Variants in DLD observed in about 807,000 individuals in gnomAD.
The protein encoded by DLD is dihydrolipoamide dehydrogenase, also known as dihydrolipoyl dehydrogenase, mitochondrial.
Under a neutral mutation model 62.2 loss-of-function variants are expected in DLD, and 36 were observed. That is an observed-to-expected ratio of 0.58 (90% CI 0.44 to 0.76). The LOEUF (loss-of-function observed/expected upper bound fraction) is 0.76, where lower values mean the gene tolerates loss of function less well. Ranked by LOEUF, DLD falls within the 30% of genes least tolerant of loss-of-function variation. The pLI is 0.00. For missense variants in DLD, 541 were observed against 608.6 expected, an observed-to-expected ratio of 0.89 and a Z score of 1.17; for synonymous variants, 204 against 199.6, an observed-to-expected ratio of 1.02 and a Z score of -0.19.
Position 107,903,701 on chromosome 7 carries a change from A to C in DLD, c.337+154A>C, listed in dbSNP as rs149266807. ...AAAAAATGTGGAGAGATTTACTTAA[A>C]AAAGAAGGCCTAAATCCAGATTTCT... On this transcript the variant is annotated intron_variant, in intron 5 of 13. Transcript: ENST00000205402. The C allele has an allele frequency of 2.9e-3, 1,505 of 520,838 alleles. 20 individuals carry two copies. Among genetic ancestry groups the C allele is most frequent in the African/African-American group, 0.027 (1,419 of 51,750 alleles). The allele number at this position is 520,838 out of a possible 1,614,324, so 32.3% of individuals were successfully genotyped here.
intron 8 of DLD, among the ~76,000 whole-genome samples, chr7:107,912,912 C>A (rs1272435773): frequency 6.6e-6 from 1 of 152,032 alleles, no homozygotes; most frequent in East Asian, 1.9e-4. Context: ...TGTTTTCTTA[C>A]AGTAATTTCA....
chr7:107,905,275 T>A (rs2031976146), intron 6 of DLD, 86 bp from the exon 7 acceptor site: 2 of 1,379,334 alleles, frequency 1.4e-6, no homozygotes, highest in Non-Finnish European at 2.0e-6. Flanking sequence ...TTTAGATAAA[T>A]TATTTACAGA....
At chr7:107,905,686 C>T (rs1400606203) in intron 7 of DLD, 182 bp downstream of exon 7, 19 of 636,546 alleles carry the variant, frequency 3.0e-5, no homozygotes, top group Non-Finnish European at 2.7e-6. Context: ...CTATAGAACA[C>T]TTTATATTAA....
intron 5 of DLD, chr7:107,903,774 C>T (rs2031936378): frequency 2.5e-6 from 1 of 393,966 alleles, no homozygotes; most frequent in Admixed American, 3.8e-5. Flanking sequence ...AGATTTCTAC[C>T]ATTATATCTT....
intron 8 of DLD, 139 bp from the exon 9 acceptor site, chr7:107,915,367 C>A (rs2032241233): frequency 2.4e-6 from 2 of 829,596 alleles, no homozygotes; most frequent in Non-Finnish European, 3.8e-6. Context: ...AACACAGGGT[C>A]AATTTTAAAC....
chr7:107,891,526 G>T (rs2031573830), intron 1 of DLD: 4 of 604,446 alleles, frequency 6.6e-6, no homozygotes, highest in African/African-American at 5.6e-5. Flanking sequence ...TTCGGGTTGT[G>T]TGACGGCCGG....
In DLD at chr7:107,893,488, T is replaced by G. The variant is rs2031643642; in HGVS notation, c.118+210T>G. ...ACCCTGCTCTTATGAAACTTGTAAT[T>G]TGGTGATAAAAGACAAACAATATAT... On this transcript the variant is annotated intron_variant, in intron 2 of 13. Transcript: ENST00000205402. 9 of 431,582 alleles carry G rather than the reference T, an allele frequency of 2.1e-5. No individual in the cohort carries two copies. In the East Asian group the frequency reaches 3.4e-4, roughly 16 times the overall value. The allele number at this position is 431,582 out of a possible 1,614,324, so 26.7% of individuals were successfully genotyped here. A position where few individuals can be genotyped will look rare whatever the true frequency, so the allele number is the denominator to read the frequency against.
chr7:107,909,643 G>A (rs1002321346), intron 8 of DLD, among the ~76,000 whole-genome samples: 1 of 152,130 alleles, frequency 6.6e-6, no homozygotes, highest in Non-Finnish European at 1.5e-5. Context: ...TTGTGGTAGT[G>A]TCTACTGATT....
intron 2 of DLD, chr7:107,893,580 A>G (rs1304001473): frequency 4.6e-6 from 1 of 217,788 alleles, no homozygotes; most frequent in Non-Finnish European, 9.2e-6. Flanking sequence ...GAAGAGAGAT[A>G]ATTTTAGATA....
chr7:107,899,176 C>G (rs2031813128), intron 2 of DLD, among the ~76,000 whole-genome samples: 1 of 151,856 alleles, frequency 6.6e-6, no homozygotes. Flanking sequence ...CCCCTAAATA[C>G]TGGTTTGTTT....
chr7:107,918,177 A>G lies in DLD; in HGVS notation c.1374+116A>G, dbSNP rs76943608. On this transcript the variant is annotated intron_variant, in intron 12 of 13. Transcript: ENST00000205402. The stretch of plus-strand genomic sequence containing the variant: ...TTGCTCATTTCCAGCAAAACTTTGA[A>G]TATGGCTCTCTGTGCATCATTTCTA... 2,278 of 1,125,872 alleles carry G rather than the reference A, an allele frequency of 2.0e-3. 35 individuals carry two copies. In the African/African-American group the frequency reaches 0.032, roughly 16 times the overall value. 69.7% of individuals were successfully genotyped at this position (1,125,872 alleles called of 1,614,324 possible).
At chr7:107,908,321 T>C (rs1424618471) in intron 8 of DLD, among the ~76,000 whole-genome samples, 2 of 151,886 alleles carry the variant, frequency 1.3e-5, no homozygotes, top group Admixed American at 6.6e-5. Flanking sequence ...CGGCTAATTT[T>C]TGTATTTTTA....
intron 4 of DLD, 71 bp from the exon 5 acceptor site, chr7:107,903,407 A>C: frequency 1.0e-6 from 1 of 996,866 alleles, no homozygotes; most frequent in East Asian, 2.5e-5. Context: ...CTATCATTTC[A>C]TAAGTGCTTT....
chr7:107,892,873 C>T (rs549946473), intron 1 of DLD, among the ~76,000 whole-genome samples: 1 of 152,172 alleles, frequency 6.6e-6, no homozygotes, highest in South Asian at 2.1e-4. Flanking sequence ...TTAAAATGAT[C>T]CCTGGCACTA....
Position 107,919,048 on chromosome 7 carries a change from G to A in DLD, c.1413G>A (p.Leu471=). The stretch of plus-strand genomic sequence containing the variant: ...TGGTAAATGAAGCTGCTCTTGCTTT[G>A]GAATATGGAGCATCCTGTGAAGATA... ...GEMVNEAALA[L]EYGASCEDIA... is the part of the protein sequence containing the mutation. Residue 471 remains leucine (L), a synonymous_variant, in exon 13 of 14, where the codon TTG becomes TTA. Coordinates refer to ENST00000205402, the MANE Select transcript of DLD (RefSeq NM_000108.5). 2 of 1,613,932 alleles carry A rather than the reference G, an allele frequency of 1.2e-6. No individual in the cohort carries two copies. The highest frequency in any genetic ancestry group is 1.7e-6 in the Non-Finnish European group (2 of 1,179,858).
intron 2 of DLD, among the ~76,000 whole-genome samples, chr7:107,900,020 G>A (rs776242067): frequency 2.0e-5 from 3 of 151,934 alleles, no homozygotes; most frequent in East Asian, 1.9e-4. Context: ...ATTCTGAACC[G>A]AAATCAGTGA....
intron 2 of DLD, among the ~76,000 whole-genome samples, chr7:107,893,774 T>G (rs1485529087): frequency 6.6e-6 from 1 of 151,988 alleles, no homozygotes; most frequent in Non-Finnish European, 1.5e-5. Flanking sequence ...CCATGCAATG[T>G]AAAGTCGGAG....
At chr7:107,907,420 C>T (rs890696019) in intron 8 of DLD, among the ~76,000 whole-genome samples, 2 of 152,162 alleles carry the variant, frequency 1.3e-5, no homozygotes, top group Non-Finnish European at 2.9e-5. Context: ...CAAATCTCTG[C>T]TTGTATACTG....
At chr7:107,899,419 T>C (rs1186119623) in intron 2 of DLD, among the ~76,000 whole-genome samples, 1 of 151,666 alleles carries the variant, frequency 6.6e-6, no homozygotes, top group African/African-American at 2.4e-5. Context: ...AACCCAAGGT[T>C]TTTGGCTATT....
Sources: gnomAD v4.1 joint callset for allele counts (sites outside exome capture counted in the v4.1 genomes callset) on GRCh38, gnomAD v4.1.1 for gene constraint, MANE v1.5 for transcripts, NCBI Gene and HGNC (gene_info 2026-07-23, HGNC 2026-07-21) for gene names.